The following TMEM106A variants were observed in gnomAD, a reference collection of about 807,000 sequenced individuals.
The protein encoded by TMEM106A is transmembrane protein 106A.
TMEM106A carries 22 observed loss-of-function variants against 25.1 expected under a neutral mutation model. The ratio of observed to expected loss-of-function variants is 0.88; its 90% CI spans 0.63 to 1.25. The LOEUF (loss-of-function observed/expected upper bound fraction) is 1.25. TMEM106A is among the 50% of genes most tolerant of loss of function. TMEM106A has a pLI of 0.00. For missense variants in TMEM106A, 275 were observed against 318.1 expected, an observed-to-expected ratio of 0.86 and a Z score of 1.03; for synonymous variants, 104 against 129.9, an observed-to-expected ratio of 0.80 and a Z score of 1.35.
chr17:43,216,187 G>C (rs2057484431), intron 5 of TMEM106A: 1 of 650,178 alleles, frequency 1.5e-6, no homozygotes, highest in African/African-American at 1.8e-5. Flanking sequence ...TGGGGTGACA[G>C]TGCCTGAGAC....
At chr17:43,215,525 A>C (rs1243609150) in intron 4 of TMEM106A, among the ~76,000 whole-genome samples, 1 of 152,180 alleles carries the variant, frequency 6.6e-6, no homozygotes, top group Non-Finnish European at 1.5e-5. Context: ...ACCAACAAGG[A>C]AACTGAGACT....
intron 4 of TMEM106A, among the ~76,000 whole-genome samples, chr17:43,214,188 CAAAAAAAAAAAA>C (rs1171744040): frequency 3.9e-5 from 2 of 50,924 alleles, no homozygotes; most frequent in Non-Finnish European, 7.9e-5. Context: ...CCATCTCTAT[CAAAAAAAAAAAA>C]AAAAAGAAAA....
intron 7 of TMEM106A, chr17:43,217,010 G>C: frequency 1.6e-6 from 1 of 624,082 alleles, no homozygotes; most frequent in East Asian, 2.7e-5. Flanking sequence ...GAAGAAGAAT[G>C]TTTTGTCTGT....
In TMEM106A at chr17:43,214,206, GAAAAAAAAAAAGA is replaced by G. The variant is rs1461243523; in HGVS notation, c.275+319_275+331del. Among the ~76,000 whole-genome samples the G allele has an allele frequency of 2.6e-3, 331 of 127,258 alleles. 2 individuals carry two copies. Among genetic ancestry groups the G allele is most frequent in the Non-Finnish European group, 3.7e-3 (227 of 60,598 alleles). 83.5% of individuals were successfully genotyped at this position (127,258 alleles called of 152,430 possible). On this transcript the variant is annotated intron_variant, in intron 4 of 8. Coordinates refer to ENST00000612339, the MANE Select transcript of TMEM106A (RefSeq NM_145041.4). ...TCTCTATCAAAAAAAAAAAAAAAAA[GAAAAAAAAAAAGA>G]AAAGAAAGAAAGAAAGAAAAAAGCA...
chr17:43,218,965 C>A lies in TMEM106A; in HGVS notation c.*1164C>A, dbSNP rs35989681. The A allele has an allele frequency of 0.3, 45,961 of 152,022 alleles. 7,524 individuals are homozygous for A. Among genetic ancestry groups the A allele is most frequent in the South Asian group, 0.49 (2,375 of 4,808 alleles). 9.4% of individuals were successfully genotyped at this position (152,022 alleles called of 1,614,324 possible). ...TATAAAGTAGTTTTACTATTCTTTT[C>A]ATAGCAGGAGCCAAAATAGTAGAGG... On this transcript the variant is annotated 3_prime_UTR_variant, in exon 9 of 9. Transcript: ENST00000612339.
chr17:43,213,246 C>G lies in TMEM106A; in HGVS notation c.205C>G (p.Pro69Ala), dbSNP rs759862793. 1.9e-6 allele frequency: 3 copies of G among 1,614,154 alleles called. No individual in the cohort carries two copies. Among genetic ancestry groups the G allele is most frequent in the Non-Finnish European group, 2.5e-6 (3 of 1,180,028 alleles). ...CACCTGCCAGGGCAGTGGCAAGATT[C>G]CCCAAGGTGAGTGGCCCAAGGCTCT... ...CPTCQGSGKI[P>A]QELEKQLVAL... Residue 69 changes from proline to alanine, a missense_variant, in exon 3 of 9, where the codon CCC becomes GCC. Coordinates refer to ENST00000612339, the MANE Select transcript of TMEM106A (RefSeq NM_145041.4).
In TMEM106A at chr17:43,218,705, T is replaced by G. The variant is rs189616827; in HGVS notation, c.*904T>G. The G allele has an allele frequency of 1.1e-4, 17 of 152,188 alleles. No individual in the cohort carries two copies. The highest frequency in any genetic ancestry group is 4.1e-4 in the African/African-American group (17 of 41,438). The allele number at this position is 152,188 out of a possible 1,614,324, so 9.4% of individuals were successfully genotyped here. A position where few individuals can be genotyped will look rare whatever the true frequency, so the allele number is the denominator to read the frequency against. ...GTTTTCTACCCTCTGATAAGAAAAT[T>G]TGGGGATATCCAGTGCCATCTCCAA... On this transcript the variant is annotated 3_prime_UTR_variant, in exon 9 of 9. Coordinates refer to ENST00000612339, the MANE Select transcript of TMEM106A (RefSeq NM_145041.4).
chr17:43,217,127 G>C, intron 7 of TMEM106A, 132 bp from the exon 8 acceptor site: 1 of 913,308 alleles, frequency 1.1e-6, no homozygotes, highest in East Asian at 2.4e-5. Context: ...GGGTGGGAGT[G>C]ACATTTTGGG....
rs2057498735 is a variant in TMEM106A at position 43,217,625 on chromosome 17, G to A, written c.669-56G>A. 4 of 1,609,258 alleles carry A rather than the reference G, an allele frequency of 2.5e-6. No homozygotes were observed. In the Admixed American group the frequency reaches 5.0e-5, roughly 20 times the overall value. The stretch of plus-strand genomic sequence containing the variant: ...TCCCCACCCCCAGACAGTATAATGG[G>A]GCCAGAGCTTTCCTTTTCCTCCCAG... On this transcript the variant is annotated intron_variant, in intron 8 of 8. Transcript: ENST00000612339.
At chr17:43,214,034 C>G (rs551464261) in intron 4 of TMEM106A, 143 bp downstream of exon 4, 1 of 810,418 alleles carries the variant, frequency 1.2e-6, no homozygotes, top group African/African-American at 1.7e-5. Context: ...CAGCTCCTTA[C>G]GTCCAAGGAT....
In TMEM106A at chr17:43,213,380, C is replaced by G. The variant is rs527286239; in HGVS notation, c.211+128C>G. On this transcript the variant is annotated intron_variant, in intron 3 of 8. Coordinates refer to ENST00000612339, the MANE Select transcript of TMEM106A (RefSeq NM_145041.4). ...TGCTCCCAGCTCTTGACCTCCCAGT[C>G]TCAGGCTGGCCAGGGAGATACTTAA... is the stretch of plus-strand genomic sequence containing the variant. The G allele has an allele frequency of 5.6e-5, 54 of 972,330 alleles. 1 individual carries two copies. In the South Asian group the frequency reaches 8.1e-4, roughly 15 times the overall value. 60.2% of individuals were successfully genotyped at this position (972,330 alleles called of 1,614,324 possible).
chr17:43,213,669 T>C (rs961732314), intron 3 of TMEM106A, among the ~76,000 whole-genome samples, 159 bp from the exon 4 acceptor site: 6 of 152,170 alleles, frequency 3.9e-5, no homozygotes, highest in Admixed American at 3.9e-4. Context: ...CCAACTTTGG[T>C]AGCAGAGTCC....
intron 4 of TMEM106A, among the ~76,000 whole-genome samples, chr17:43,214,965 A>C (rs538537378): frequency 5.5e-4 from 83 of 150,058 alleles, no homozygotes; most frequent in African/African-American, 1.7e-3. Flanking sequence ...ATCTGAAAAA[A>C]AAAAAAAAAC....
In TMEM106A at chr17:43,215,880, C is replaced by T; in HGVS notation, c.368C>T (p.Pro123Leu). The T allele has an allele frequency of 1.2e-6, 2 of 1,614,144 alleles. No individual in the cohort carries two copies. The highest frequency in any genetic ancestry group is 1.7e-6 in the Non-Finnish European group (2 of 1,180,034). ...FLFPRSVIVQ[P>L]AGLNSSTVAF... The stretch of plus-strand genomic sequence containing the variant: ...TTTCCCCGGTCCGTCATTGTGCAGC[C>T]TGCAGGCCTCAACTCCTCCACAGTG... The change falls in exon 5 of 9, where the codon CCT (proline) becomes CTT (leucine). Residue 123 changes from proline (P) to leucine (L), a missense_variant. Coordinates refer to ENST00000612339, the MANE Select transcript of TMEM106A (RefSeq NM_145041.4).
At chr17:43,215,344 G>A (rs1411646425) in intron 4 of TMEM106A, among the ~76,000 whole-genome samples, 10 of 152,202 alleles carry the variant, frequency 6.6e-5, no homozygotes, top group Admixed American at 6.5e-4. Context: ...GATGGATGGT[G>A]TCCTGTTCTG....
chr17:43,214,027 C>T (rs2057461115), intron 4 of TMEM106A, 136 bp downstream of exon 4: 4 of 849,916 alleles, frequency 4.7e-6, no homozygotes, highest in Non-Finnish European at 7.3e-6. Context: ...GAGGTACCAG[C>T]TCCTTACGTC....
chr17:43,214,885 A>AGGAGGTGGAGGCTTCAG (rs2057469986), intron 4 of TMEM106A, among the ~76,000 whole-genome samples: 1 of 149,282 alleles, frequency 6.7e-6, no homozygotes, highest in Admixed American at 6.7e-5. Context: ...GTTTGAACCC[A>AGGAGGTGGAGGCTTCAG]GGAGGTGGAG....
chr17:43,218,028 C>G lies in TMEM106A; in HGVS notation c.*227C>G. The G allele has an allele frequency of 1.7e-6, 1 of 584,492 alleles. No homozygotes were observed. Among genetic ancestry groups the G allele is most frequent in the South Asian group, 2.3e-5 (1 of 44,138 alleles). 36.2% of individuals were successfully genotyped at this position (584,492 alleles called of 1,614,324 possible). A position where few individuals can be genotyped will look rare whatever the true frequency, so the allele number is the denominator to read the frequency against. On this transcript the variant is annotated 3_prime_UTR_variant, in exon 9 of 9. Transcript: ENST00000612339. ...CCCAGATTCTTTCAGGGGCTGCCAT[C>G]AGATTCTGCCCTTGGTTAGTTTTTT...
chr17:43,213,356 G>T, intron 3 of TMEM106A, 104 bp downstream of exon 3: 1 of 1,221,308 alleles, frequency 8.2e-7, no homozygotes, highest in Non-Finnish European at 1.2e-6. Flanking sequence ...GGTTAGATCT[G>T]CTCCCAGCTC....
Sources: gnomAD v4.1 joint callset for allele counts (sites outside exome capture counted in the v4.1 genomes callset) on GRCh38, gnomAD v4.1.1 for gene constraint, MANE v1.5 for transcripts, NCBI Gene and HGNC (gene_info 2026-07-23, HGNC 2026-07-21) for gene names.